Variants in ERBB4 observed in about 807,000 individuals in gnomAD.
The protein encoded by ERBB4 is receptor tyrosine-protein kinase erbB-4.
In ERBB4, 42 loss-of-function variants were observed where a neutral mutation model predicts 158.0. The observed-to-expected ratio is 0.27, with a 90% CI of 0.21 to 0.34. The LOEUF (loss-of-function observed/expected upper bound fraction) is 0.34, where lower values mean the gene tolerates loss of function less well. ERBB4 is among the 10% of genes least tolerant of loss of function. ERBB4 has a pLI of 1.00. For synonymous variants in ERBB4, 583 were observed against 558.7 expected (o/e 1.04, Z -0.61); for missense variants, 1,333 against 1,624.1 (o/e 0.82, Z 3.08).
chr2:212,224,721 C>A (rs765200230), intron 1 of ERBB4, among the ~76,000 whole-genome samples: 6 of 151,510 alleles, frequency 4.0e-5, no homozygotes, highest in African/African-American at 7.3e-5. Context: ...CATATAACAA[C>A]GAAAAAGTAA....
intron 20 of ERBB4, among the ~76,000 whole-genome samples, chr2:211,503,281 T>C (rs975745815): frequency 2.0e-5 from 3 of 152,122 alleles, no homozygotes; most frequent in East Asian, 1.9e-4. Flanking sequence ...TTCTGCATCA[T>C]GCCCTAAGCG....
At chr2:211,594,538 G>A (rs946801002) in intron 19 of ERBB4, among the ~76,000 whole-genome samples, 4 of 151,630 alleles carry the variant, frequency 2.6e-5, no homozygotes, top group Non-Finnish European at 5.9e-5. Context: ...AATATGGAAT[G>A]TTTATTTGAT....
intron 20 of ERBB4, among the ~76,000 whole-genome samples, chr2:211,462,991 T>C (rs973107447): frequency 1.6e-4 from 25 of 152,134 alleles, no homozygotes; most frequent in African/African-American, 3.4e-4. Context: ...AGGAATAAAC[T>C]CACCACAAAT....
chr2:211,982,296 G>C (rs1033577408), intron 2 of ERBB4, among the ~76,000 whole-genome samples: 1 of 152,068 alleles, frequency 6.6e-6, no homozygotes, highest in Non-Finnish European at 1.5e-5. Flanking sequence ...ACGATGTCCT[G>C]GAATATACCA....
chr2:212,414,225 C>A (rs1452762947), intron 1 of ERBB4, among the ~76,000 whole-genome samples: 1 of 152,138 alleles, frequency 6.6e-6, no homozygotes, highest in Non-Finnish European at 1.5e-5. Flanking sequence ...TAAATAGCAC[C>A]ACTTAGAGTA....
intron 2 of ERBB4, among the ~76,000 whole-genome samples, chr2:211,959,109 T>TCATC (rs2081105275): frequency 6.6e-6 from 1 of 152,172 alleles, no homozygotes; most frequent in South Asian, 2.1e-4. Flanking sequence ...TCACCCTCAT[T>TCATC]CATCCATCCA....
intron 1 of ERBB4, among the ~76,000 whole-genome samples, chr2:212,435,326 T>C (rs1023064573): frequency 3.9e-5 from 6 of 152,002 alleles, no homozygotes; most frequent in African/African-American, 1.2e-4. Context: ...AACGGAGTTG[T>C]TGTCACTCTC....
At chr2:212,188,184 GTCTCTCTC>G (rs1169851002) in intron 1 of ERBB4, among the ~76,000 whole-genome samples, 22 of 20,516 alleles carry the variant, frequency 1.1e-3, no homozygotes, top group African/African-American at 2.3e-3. Context: ...ATACCTTCAG[GTCTCTCTC>G]TCTCTCTCTC....
At chr2:212,403,273 G>A (rs910249959) in intron 1 of ERBB4, among the ~76,000 whole-genome samples, 10 of 151,974 alleles carry the variant, frequency 6.6e-5, no homozygotes, top group Non-Finnish European at 1.0e-4. Context: ...TGTCCTGCTT[G>A]GATCCTCGGA....
intron 20 of ERBB4, among the ~76,000 whole-genome samples, chr2:211,489,915 AG>A (rs2065296693): frequency 6.6e-6 from 1 of 152,064 alleles, no homozygotes; most frequent in Admixed American, 6.6e-5. Context: ...TCATGCAATA[AG>A]TGTTACTGAG....
intron 3 of ERBB4, among the ~76,000 whole-genome samples, chr2:211,821,094 G>C (rs541133209): frequency 6.6e-6 from 1 of 151,962 alleles, no homozygotes; most frequent in East Asian, 1.9e-4. Context: ...AACTGGAAAA[G>C]AGGAAATCAA....
At chr2:211,425,517 A>G (rs1224120285) in intron 22 of ERBB4, among the ~76,000 whole-genome samples, 1 of 152,024 alleles carries the variant, frequency 6.6e-6, no homozygotes, top group Admixed American at 6.6e-5. Flanking sequence ...TTAATTTTGT[A>G]TATTAAGGAG....
At chr2:211,513,530 T>A (rs1345402111) in intron 20 of ERBB4, among the ~76,000 whole-genome samples, 1 of 152,108 alleles carries the variant, frequency 6.6e-6, no homozygotes, top group African/African-American at 2.4e-5. Flanking sequence ...GGCTTGTCCC[T>A]CTGATTCAAT....
At chr2:211,912,081 T>C (rs2079554243) in intron 3 of ERBB4, among the ~76,000 whole-genome samples, 2 of 152,128 alleles carry the variant, frequency 1.3e-5, no homozygotes, top group Admixed American at 1.3e-4. Context: ...AGAAGGTACG[T>C]AGGAAGACAG....
chr2:211,487,369 TAAAA>T (rs71047177), intron 20 of ERBB4, among the ~76,000 whole-genome samples: 31,247 of 151,688 alleles, frequency 0.21, 3,410 homozygotes, highest in East Asian at 0.3. Flanking sequence ...TTAAAATAAA[TAAAA>T]AAATAAATAA....
chr2:212,277,013 ATCTC>A (rs1303830058), intron 1 of ERBB4, among the ~76,000 whole-genome samples: 2 of 151,736 alleles, frequency 1.3e-5, no homozygotes, highest in African/African-American at 2.4e-5. Flanking sequence ...CATTACATTA[ATCTC>A]ACATCAGTGG....
intron 2 of ERBB4, among the ~76,000 whole-genome samples, chr2:212,120,038 G>T (rs1394323605): frequency 1.3e-5 from 2 of 152,098 alleles, no homozygotes; most frequent in Non-Finnish European, 2.9e-5. Context: ...TTACTATAAA[G>T]TTGCAAGAGT....
At chr2:211,907,065 C>T (rs76146470) in intron 3 of ERBB4, among the ~76,000 whole-genome samples, 1,525 of 151,778 alleles carry the variant, frequency 0.01, 34 homozygotes, top group Non-Finnish European at 0.014. Context: ...ACAGAGTTGT[C>T]CTACCAGCTT....
intron 3 of ERBB4, among the ~76,000 whole-genome samples, chr2:211,827,665 T>G (rs2077133159): frequency 6.6e-6 from 1 of 152,078 alleles, no homozygotes; most frequent in Admixed American, 6.6e-5. Context: ...TTGTTCAATT[T>G]AGTTGGAAAG....
Sources: gnomAD v4.1 joint callset for allele counts (sites outside exome capture counted in the v4.1 genomes callset) on GRCh38, gnomAD v4.1.1 for gene constraint, MANE v1.5 for transcripts, NCBI Gene and HGNC (gene_info 2026-07-23, HGNC 2026-07-21) for gene names.